The following NCK2 variants were observed in gnomAD, a reference collection of about 807,000 sequenced individuals.
The protein encoded by NCK2 is cytoplasmic protein NCK2.
Under a neutral mutation model 33.9 loss-of-function variants are expected in NCK2, and 16 were observed. That is an observed-to-expected ratio of 0.47 (90% CI 0.32 to 0.72). NCK2 has a LOEUF of 0.72. Among genes scored for constraint, NCK2 ranks in the 30% least tolerant of loss-of-function variants. NCK2 has a pLI of 0.03. For synonymous variants in NCK2, 273 were observed against 239.9 expected, an observed-to-expected ratio of 1.14 and a Z score of -1.27; for missense variants, 418 against 537.3, an observed-to-expected ratio of 0.78 and a Z score of 2.19.
intron 1 of NCK2, among the ~76,000 whole-genome samples, chr2:105,760,747 G>A (rs1689741356): frequency 6.6e-6 from 1 of 152,102 alleles, no homozygotes; most frequent in South Asian, 2.1e-4. Context: ...AGAGTAGGGA[G>A]GTCCCTAGAT....
intron 4 of NCK2, among the ~76,000 whole-genome samples, chr2:105,885,305 T>C (rs1678679574): frequency 6.6e-6 from 1 of 152,074 alleles, no homozygotes; most frequent in African/African-American, 2.4e-5. Context: ...CATACAGTAC[T>C]TTTTTTTCCA....
chr2:105,836,428 T>G (rs1052005745), intron 2 of NCK2, among the ~76,000 whole-genome samples: 1 of 151,996 alleles, frequency 6.6e-6, no homozygotes, highest in African/African-American at 2.4e-5. Flanking sequence ...TAAGCTGAAG[T>G]TGGTTTTGGA....
intron 1 of NCK2, among the ~76,000 whole-genome samples, chr2:105,797,138 A>G (rs761316119): frequency 6.6e-6 from 1 of 152,238 alleles, no homozygotes; most frequent in African/African-American, 2.4e-5. Flanking sequence ...CTTTTCTTTC[A>G]GCATCTCCCC....
chr2:105,876,818 T>A lies in NCK2; in HGVS notation c.227-4510T>A, dbSNP rs568894022. 6.6e-5 allele frequency among the ~76,000 whole-genome samples: 10 copies of A among 152,278 alleles called. No individual in the cohort carries two copies. The South Asian group carries it at 2.1e-3, about 32-fold the overall frequency. ...GAGAGAATGAAAGGAAACTGGGATCTGGGTGCCGCCTCTTTACCTACAAGG... is the reference window on the plus strand; with the variant it reads ...GAGAGAATGAAAGGAAACTGGGATCAGGGTGCCGCCTCTTTACCTACAAGG... On this transcript the variant is annotated intron_variant, in intron 3 of 4. Coordinates refer to ENST00000233154, the MANE Select transcript of NCK2 (RefSeq NM_003581.5).
At chr2:105,852,132 G>T (rs1437883387) in intron 2 of NCK2, among the ~76,000 whole-genome samples, 1 of 152,122 alleles carries the variant, frequency 6.6e-6, no homozygotes, top group East Asian at 1.9e-4. Flanking sequence ...AGGTCCACAG[G>T]CCTGGGCTCA....
At chr2:105,790,555 C>T (rs867015335) in intron 1 of NCK2, among the ~76,000 whole-genome samples, 2 of 152,234 alleles carry the variant, frequency 1.3e-5, no homozygotes, top group Middle Eastern at 6.8e-3. Flanking sequence ...GTTTCCTAGG[C>T]CCTTTGAGAA....
chr2:105,806,768 A>G (rs1675060775), intron 1 of NCK2, among the ~76,000 whole-genome samples: 1 of 152,096 alleles, frequency 6.6e-6, no homozygotes, highest in Non-Finnish European at 1.5e-5. Flanking sequence ...GCAGTGCGGT[A>G]TTTTCAGTTT....
At chr2:105,883,046 G>T (rs1375262225) in intron 4 of NCK2, among the ~76,000 whole-genome samples, 1 of 38,402 alleles carries the variant, frequency 2.6e-5, no homozygotes, top group Non-Finnish European at 4.7e-5. Flanking sequence ...AGAGAGAGGC[G>T]ACTGGGATGT....
intron 4 of NCK2, among the ~76,000 whole-genome samples, chr2:105,883,096 G>C (rs1326085567): frequency 6.6e-6 from 1 of 152,186 alleles, no homozygotes; most frequent in Non-Finnish European, 1.5e-5. Flanking sequence ...GTGGAAACTG[G>C]ACTCCTTTAT....
chr2:105,785,699 C>CTGCCG (rs1187452712), intron 1 of NCK2, among the ~76,000 whole-genome samples: 1 of 152,166 alleles, frequency 6.6e-6, no homozygotes, highest in African/African-American at 2.4e-5. Flanking sequence ...TGGGGCAGCC[C>CTGCCG]TGCCGAGGTT....
intron 1 of NCK2, among the ~76,000 whole-genome samples, chr2:105,747,185 A>C (rs931145809): frequency 2.0e-5 from 3 of 151,820 alleles, no homozygotes; most frequent in African/African-American, 7.3e-5. Flanking sequence ...GCTCTGTTTG[A>C]CCCTGCCATA....
intron 1 of NCK2, among the ~76,000 whole-genome samples, chr2:105,785,920 G>A (rs972847941): frequency 6.6e-6 from 1 of 152,102 alleles, no homozygotes; most frequent in Non-Finnish European, 1.5e-5. Context: ...GTCCAGGGAG[G>A]CCCAAATTAT....
At chr2:105,788,816 T>C (rs1007640248) in intron 1 of NCK2, among the ~76,000 whole-genome samples, 2 of 152,230 alleles carry the variant, frequency 1.3e-5, no homozygotes, top group Non-Finnish European at 2.9e-5. Context: ...CAATACTCTG[T>C]ACTTTAAACA....
chr2:105,885,577 AAC>A (rs1294182723), intron 4 of NCK2, among the ~76,000 whole-genome samples: 1 of 152,034 alleles, frequency 6.6e-6, no homozygotes, highest in Non-Finnish European at 1.5e-5. Flanking sequence ...AGCTTGTTAA[AAC>A]AAATTGCTGG....
chr2:105,825,736 AG>A (rs1236844391), intron 2 of NCK2, among the ~76,000 whole-genome samples: 6 of 152,224 alleles, frequency 3.9e-5, no homozygotes, highest in African/African-American at 1.4e-4. Flanking sequence ...CAAGGCACAG[AG>A]GGATGGGAAA....
intron 1 of NCK2, among the ~76,000 whole-genome samples, chr2:105,746,841 C>T (rs1359068432): frequency 6.6e-6 from 1 of 152,124 alleles, no homozygotes; most frequent in African/African-American, 2.4e-5. Context: ...GGTCTTCTGG[C>T]GGCTACTTGA....
intron 1 of NCK2, among the ~76,000 whole-genome samples, chr2:105,784,734 G>A (rs17031770): frequency 0.23 from 35,315 of 152,076 alleles, 5,550 homozygotes; most frequent in African/African-American, 0.44. Context: ...GGAGCAGTGT[G>A]TCTGTTGAGG....
intron 3 of NCK2, among the ~76,000 whole-genome samples, chr2:105,864,341 GA>G (rs1677664648): frequency 6.6e-6 from 1 of 152,112 alleles, no homozygotes; most frequent in Admixed American, 6.5e-5. Context: ...GGACAAAAGA[GA>G]AAAGGAAGAT....
chr2:105,777,889 A>G (rs2104394786), intron 1 of NCK2, among the ~76,000 whole-genome samples: 1 of 152,338 alleles, frequency 6.6e-6, no homozygotes, highest in Non-Finnish European at 1.5e-5. Context: ...GTGACAGCTC[A>G]CAGGATTCCA....
Sources: allele counts gnomAD v4.1 joint callset (sites outside exome capture counted in the v4.1 genomes callset), GRCh38; gene constraint gnomAD v4.1.1; transcripts MANE v1.5; gene names NCBI Gene and HGNC (gene_info 2026-07-23, HGNC 2026-07-21).